SGCZ: variants seen among roughly 807,000 people sequenced by gnomAD.
The protein encoded by SGCZ is sarcoglycan zeta, also known as zeta-sarcoglycan.
Under a neutral mutation model 41.3 loss-of-function variants are expected in SGCZ, and 40 were observed. The ratio of observed to expected loss-of-function variants is 0.97; its 90% CI spans 0.75 to 1.26. The LOEUF (loss-of-function observed/expected upper bound fraction) is 1.26, where lower values mean the gene tolerates loss of function less well. Ranked by LOEUF, SGCZ falls within the 50% of genes most tolerant of loss-of-function variation. The pLI is 0.00. For missense variants in SGCZ, 552 were observed against 369.8 expected (o/e 1.49, Z -4.04); for synonymous variants, 206 against 137.5 (o/e 1.50, Z -3.49).
intron 2 of SGCZ, among the ~76,000 whole-genome samples, chr8:14,342,876 G>A (rs1475218758): frequency 6.6e-6 from 1 of 152,176 alleles, no homozygotes; most frequent in Admixed American, 6.5e-5. Flanking sequence ...TTCACCGAAG[G>A]CCCTCTCTTC....
chr8:14,559,553 C>A (rs1170286388), intron 1 of SGCZ, among the ~76,000 whole-genome samples: 1 of 152,082 alleles, frequency 6.6e-6, no homozygotes, highest in Non-Finnish European at 1.5e-5. Flanking sequence ...AACGACCATA[C>A]TTCCCAAAGC....
chr8:14,339,350 T>C (rs1341704919), intron 2 of SGCZ, among the ~76,000 whole-genome samples: 2 of 152,156 alleles, frequency 1.3e-5, no homozygotes, highest in Non-Finnish European at 2.9e-5. Flanking sequence ...CTGAAAACAA[T>C]TGCTGAGAAT....
At chr8:15,123,095 C>T (rs568544264) in intron 1 of SGCZ, among the ~76,000 whole-genome samples, 17 of 152,276 alleles carry the variant, frequency 1.1e-4, no homozygotes, top group Admixed American at 1.1e-3. Flanking sequence ...TTTTGTGAAG[C>T]TTTAATGCTC....
At chr8:14,307,868 A>C (rs1801397010) in intron 3 of SGCZ, among the ~76,000 whole-genome samples, 1 of 152,118 alleles carries the variant, frequency 6.6e-6, no homozygotes, top group Admixed American at 6.6e-5. Context: ...TTAAAGAGTA[A>C]GTGGTCTATT....
chr8:14,428,099 T>TACACAC (rs761741673), intron 2 of SGCZ, among the ~76,000 whole-genome samples: 6 of 22,578 alleles, frequency 2.7e-4, no homozygotes, highest in Admixed American at 1.8e-3. Flanking sequence ...AATGGTTGTA[T>TACACAC]ATACACACAC....
intron 1 of SGCZ, among the ~76,000 whole-genome samples, chr8:14,972,426 G>A (rs961613617): frequency 6.6e-6 from 1 of 152,130 alleles, no homozygotes; most frequent in Non-Finnish European, 1.5e-5. Context: ...CTTGTAGGCA[G>A]CATGGAATTG....
intron 2 of SGCZ, among the ~76,000 whole-genome samples, chr8:14,325,958 A>C (rs1170732668): frequency 6.7e-6 from 1 of 149,068 alleles, no homozygotes; most frequent in Non-Finnish European, 1.5e-5. Flanking sequence ...TAAAAATACA[A>C]AAAATTAGCC....
chr8:14,202,496 G>GA (rs371794093), intron 4 of SGCZ, among the ~76,000 whole-genome samples: 14 of 148,728 alleles, frequency 9.4e-5, no homozygotes, highest in African/African-American at 1.5e-4. Flanking sequence ...TTTCACAAGG[G>GA]AAAAAAAAAT....
chr8:14,443,882 G>T (rs950278933), intron 2 of SGCZ, among the ~76,000 whole-genome samples: 1 of 152,102 alleles, frequency 6.6e-6, no homozygotes, highest in Non-Finnish European at 1.5e-5. Flanking sequence ...GCAACCTACA[G>T]AATGGGAGAA....
At chr8:15,034,353 G>A (rs1803793585) in intron 1 of SGCZ, among the ~76,000 whole-genome samples, 1 of 152,032 alleles carries the variant, frequency 6.6e-6, no homozygotes, top group South Asian at 2.1e-4. Flanking sequence ...ACTAGCAGAA[G>A]TGATCAAGCA....
chr8:14,641,062 C>T (rs971403369), intron 1 of SGCZ, among the ~76,000 whole-genome samples: 11 of 151,490 alleles, frequency 7.3e-5, no homozygotes, highest in African/African-American at 1.9e-4. Context: ...TACTCTGTTC[C>T]CATCTTGTCC....
intron 1 of SGCZ, among the ~76,000 whole-genome samples, chr8:14,976,771 AC>A (rs1421038692): frequency 6.6e-6 from 1 of 152,114 alleles, no homozygotes; most frequent in Non-Finnish European, 1.5e-5. Flanking sequence ...TGTTAATCCT[AC>A]TCTACAATTC....
intron 1 of SGCZ, among the ~76,000 whole-genome samples, chr8:15,141,630 A>G (rs986966774): frequency 1.6e-4 from 24 of 152,192 alleles, no homozygotes; most frequent in Admixed American, 2.6e-4. Flanking sequence ...TCATCCATGC[A>G]CGGTGGCTCA....
chr8:14,807,257 G>C (rs1423650150), intron 1 of SGCZ, among the ~76,000 whole-genome samples: 1 of 152,070 alleles, frequency 6.6e-6, no homozygotes, highest in Admixed American at 6.6e-5. Flanking sequence ...AAGAAATAAA[G>C]GGTATTCAAT....
rs57898016 is a variant in SGCZ at position 14,493,359 on chromosome 8, C to CTTTTTTTTTTTTTTTT, written c.234+61357_234+61372dup. 1.2e-3 allele frequency among the ~76,000 whole-genome samples: 51 copies of CTTTTTTTTTTTTTTTT among 44,272 alleles called. 7 individuals carry two copies. Among genetic ancestry groups the CTTTTTTTTTTTTTTTT allele is most frequent in the East Asian group, 4.8e-3 (5 of 1,048 alleles). 29.0% of individuals were successfully genotyped at this position (44,272 alleles called of 152,430 possible). A position where few individuals can be genotyped will look rare whatever the true frequency, so the allele number is the denominator to read the frequency against. ...CATACTTTTCCCACTATCATCCTTT[C>CTTTTTTTTTTTTTTTT]TTTTTTTTTTTTTTTTTTTTTTTTT... On this transcript the variant is annotated intron_variant, in intron 2 of 7. Coordinates refer to ENST00000382080, the MANE Select transcript of SGCZ (RefSeq NM_139167.4).
chr8:14,616,620 G>A (rs536254763), intron 1 of SGCZ, among the ~76,000 whole-genome samples: 10 of 152,218 alleles, frequency 6.6e-5, no homozygotes, highest in South Asian at 2.1e-4. Flanking sequence ...TAAACTTGGT[G>A]AGGGAGAATT....
At chr8:15,040,094 G>C (rs1280386379) in intron 1 of SGCZ, among the ~76,000 whole-genome samples, 3 of 152,228 alleles carry the variant, frequency 2.0e-5, no homozygotes, top group Non-Finnish European at 4.4e-5. Flanking sequence ...TCATACAGCA[G>C]CTATTACACA....
intron 1 of SGCZ, among the ~76,000 whole-genome samples, chr8:15,021,388 C>T (rs919919532): frequency 3.3e-5 from 5 of 152,134 alleles, no homozygotes; most frequent in African/African-American, 7.2e-5. Context: ...TGAAAGGGCC[C>T]GTTCAGACTT....
At chr8:14,609,741 T>C (rs1805865984) in intron 1 of SGCZ, among the ~76,000 whole-genome samples, 1 of 152,154 alleles carries the variant, frequency 6.6e-6, no homozygotes, top group South Asian at 2.1e-4. Context: ...CCTGAGCTGA[T>C]AAAGGTGCTT....
Sources: allele counts gnomAD v4.1 joint callset (sites outside exome capture counted in the v4.1 genomes callset), GRCh38; gene constraint gnomAD v4.1.1; transcripts MANE v1.5; gene names NCBI Gene and HGNC (gene_info 2026-07-23, HGNC 2026-07-21).